The following SLC22A9 variants were observed in gnomAD, a reference collection of about 807,000 sequenced individuals.
The protein encoded by SLC22A9 is solute carrier family 22 member 9.
Under a neutral mutation model 50.1 loss-of-function variants are expected in SLC22A9, and 64 were observed. That is an observed-to-expected ratio of 1.28 (90% confidence interval 1.04 to 1.57). The LOEUF (loss-of-function observed/expected upper bound fraction) is 1.57, where lower values mean the gene tolerates loss of function less well. Ranked by LOEUF, SLC22A9 falls within the 40% of genes most tolerant of loss-of-function variation. The pLI is 0.00. For synonymous variants in SLC22A9, 261 were observed against 242.5 expected, an observed-to-expected ratio of 1.08 and a Z score of -0.71; for missense variants, 757 against 676.1, an observed-to-expected ratio of 1.12 and a Z score of -1.33.
chr11:63,394,913 T>A (rs780057878), intron 6 of SLC22A9, among the ~76,000 whole-genome samples: 8 of 151,942 alleles, frequency 5.3e-5, no homozygotes. Flanking sequence ...GGAGGCTTTG[T>A]TCATATTTTC....
chr11:63,410,287 A>AAAAG lies in SLC22A9; in HGVS notation c.*429_*432dup, dbSNP rs2015123674. 1 of 152,966 alleles carries AAAAG rather than the reference A, an allele frequency of 6.5e-6. No individual in the cohort carries two copies. Among genetic ancestry groups the AAAAG allele is most frequent in the Non-Finnish European group, 1.4e-5 (1 of 69,336 alleles). The allele number at this position is 152,966 out of a possible 1,614,324, so 9.5% of individuals were successfully genotyped here. Reference sequence around the variant, plus strand: ...AAAGAAGGAAAGAAAGAAAGAAAAGAAAAGAAATAACAAGATATAGTGAGT... The same window carrying AAAAG: ...AAAGAAGGAAAGAAAGAAAGAAAAGAAAAGAAAGAAATAACAAGATATAGTGAGT... On this transcript the variant is annotated 3_prime_UTR_variant, in exon 10 of 10. Transcript: ENST00000279178.
chr11:63,373,242 T>A (rs1239936993), intron 2 of SLC22A9, among the ~76,000 whole-genome samples: 1 of 151,918 alleles, frequency 6.6e-6, no homozygotes. Context: ...CCTAGACTTC[T>A]ACATCTAGAT....
In SLC22A9 at chr11:63,370,013, TAC is replaced by T. The variant is rs765520211; in HGVS notation, c.-42_-41del. 2 of 1,571,212 alleles carry T rather than the reference TAC, an allele frequency of 1.3e-6. No homozygotes were observed. The highest frequency in any genetic ancestry group is 2.7e-5 in the African/African-American group (2 of 73,974). ...TTTTCCCTCTTTGAACCTCTCTGGA[TAC>T]AGTCATTTTGCCTCTACTTGAGGAT... On this transcript the variant is annotated 5_prime_UTR_variant, in exon 1 of 10. Coordinates refer to ENST00000279178, the MANE Select transcript of SLC22A9 (RefSeq NM_080866.3).
At chr11:63,377,807 C>T (rs1311434494) in intron 5 of SLC22A9, among the ~76,000 whole-genome samples, 1 of 151,638 alleles carries the variant, frequency 6.6e-6, no homozygotes, top group Non-Finnish European at 1.5e-5. Flanking sequence ...CTTTCTTAAA[C>T]TAATAAAGAA....
intron 6 of SLC22A9, among the ~76,000 whole-genome samples, chr11:63,392,876 G>T (rs1046976192): frequency 7.2e-5 from 11 of 151,916 alleles, no homozygotes; most frequent in African/African-American, 2.4e-5. Context: ...CCTCAATAAG[G>T]GTTGCTTCAC....
At chr11:63,376,968 TGATCCAGGGTTCAATTCAATAA>T (rs1367991639) in intron 5 of SLC22A9, among the ~76,000 whole-genome samples, 5 of 152,126 alleles carry the variant, frequency 3.3e-5, no homozygotes, top group Non-Finnish European at 7.4e-5. Context: ...AATTACATAA[TGATCCAGGGTTCAATTCAATAA>T]GATTTAACTA....
intron 6 of SLC22A9, among the ~76,000 whole-genome samples, chr11:63,403,779 T>A (rs1591028014): frequency 6.6e-6 from 1 of 151,742 alleles, no homozygotes; most frequent in Admixed American, 6.6e-5. Context: ...TGAAATAGCA[T>A]CCTATACCTA....
At chr11:63,376,921 A>T (rs1012681261) in intron 5 of SLC22A9, among the ~76,000 whole-genome samples, 1 of 152,124 alleles carries the variant, frequency 6.6e-6, no homozygotes, top group African/African-American at 2.4e-5. Context: ...GATAAAACAG[A>T]TGTTAAACCA....
At chr11:63,381,808 C>T (rs962453731) in intron 5 of SLC22A9, among the ~76,000 whole-genome samples, 2 of 152,092 alleles carry the variant, frequency 1.3e-5, no homozygotes, top group African/African-American at 4.8e-5. Flanking sequence ...ACCATGTGGT[C>T]CAAATGGAGC....
intron 6 of SLC22A9, among the ~76,000 whole-genome samples, chr11:63,393,009 T>C (rs1265880947): frequency 6.6e-6 from 1 of 152,172 alleles, no homozygotes; most frequent in Non-Finnish European, 1.5e-5. Flanking sequence ...AATTGTTTTT[T>C]CTAATTCTGT....
intron 6 of SLC22A9, among the ~76,000 whole-genome samples, chr11:63,383,425 C>A (rs969225190): frequency 6.6e-6 from 1 of 152,100 alleles, no homozygotes; most frequent in Non-Finnish European, 1.5e-5. Context: ...AAACAGAAAC[C>A]AGTAGATCTC....
In SLC22A9 at chr11:63,369,992, C is replaced by T; in HGVS notation, c.-65C>T. The T allele has an allele frequency of 1.4e-6, 2 of 1,476,594 alleles. No homozygotes were observed. The highest frequency in any genetic ancestry group is 1.8e-6 in the Non-Finnish European group (2 of 1,093,076). The allele number at this position is 1,476,594 out of a possible 1,614,324, so 91.5% of individuals were successfully genotyped here. A position where few individuals can be genotyped will look rare whatever the true frequency, so the allele number is the denominator to read the frequency against. ...GTGACTTAGGGAAAGAAAACATTTTCCCTCTTTGAACCTCTCTGGATACAG... is the reference window on the plus strand; with the variant it reads ...GTGACTTAGGGAAAGAAAACATTTTTCCTCTTTGAACCTCTCTGGATACAG... On this transcript the variant is annotated 5_prime_UTR_variant, in exon 1 of 10. Transcript: ENST00000279178.
At chr11:63,382,306 G>A (rs2014579861) in intron 6 of SLC22A9, 29 bp downstream of exon 6, 4 of 1,516,084 alleles carry the variant, frequency 2.6e-6, no homozygotes, top group Non-Finnish European at 3.6e-6. Flanking sequence ...TTGAGGGTAA[G>A]TTACAGTACT....
intron 6 of SLC22A9, among the ~76,000 whole-genome samples, chr11:63,392,999 A>T (rs961502460): frequency 6.6e-6 from 1 of 152,038 alleles, no homozygotes; most frequent in African/African-American, 2.4e-5. Flanking sequence ...TGAATTATAG[A>T]ATTGTTTTTT....
intron 6 of SLC22A9, among the ~76,000 whole-genome samples, chr11:63,403,293 C>G (rs191934692): frequency 1.3e-5 from 2 of 152,024 alleles, no homozygotes; most frequent in African/African-American, 4.8e-5. Context: ...TCTGCAGAAA[C>G]CTTGTAGGCC....
chr11:63,405,987 A>G (rs1018584047), intron 6 of SLC22A9, among the ~76,000 whole-genome samples: 2 of 152,136 alleles, frequency 1.3e-5, no homozygotes, highest in African/African-American at 4.8e-5. Flanking sequence ...TGGTATCTTC[A>G]GTTCTCTTTG....
intron 6 of SLC22A9, among the ~76,000 whole-genome samples, chr11:63,391,106 T>C (rs905130014): frequency 6.6e-6 from 1 of 152,182 alleles, no homozygotes; most frequent in African/African-American, 2.4e-5. Context: ...TATTGTTTAA[T>C]TTCCATGTGT....
At chr11:63,389,915 C>T (rs1036207732) in intron 6 of SLC22A9, among the ~76,000 whole-genome samples, 17 of 152,206 alleles carry the variant, frequency 1.1e-4, no homozygotes, top group African/African-American at 3.9e-4. Context: ...TTTTGATTTA[C>T]ATTTGTCTAA....
intron 6 of SLC22A9, among the ~76,000 whole-genome samples, chr11:63,405,446 C>A (rs751582420): frequency 1.3e-5 from 2 of 152,180 alleles, no homozygotes; most frequent in Non-Finnish European, 2.9e-5. Context: ...TTCCCTCTAA[C>A]AAGATACATA....
Sources: allele counts gnomAD v4.1 joint callset (sites outside exome capture counted in the v4.1 genomes callset), GRCh38; gene constraint gnomAD v4.1.1; transcripts MANE v1.5; gene names NCBI Gene and HGNC (gene_info 2026-07-23, HGNC 2026-07-21).